MIDEAS: variants seen among roughly 807,000 people sequenced by gnomAD.
MIDEAS encodes the protein mitotic deacetylase associated SANT domain protein.
In MIDEAS, 26 loss-of-function variants were observed where a neutral mutation model predicts 102.7. The observed-to-expected ratio is 0.25, with a 90% confidence interval of 0.19 to 0.35. MIDEAS has a LOEUF of 0.35. Ranked by LOEUF, MIDEAS falls within the 10% of genes least tolerant of loss-of-function variation. The pLI is 1.00. For synonymous variants in MIDEAS, 585 were observed against 591.0 expected (o/e 0.99, Z 0.15); for missense variants, 1,231 against 1,435.6 (o/e 0.86, Z 2.30).
chr14:73,738,876 T>A lies in MIDEAS; in HGVS notation c.1133A>T (p.His378Leu), dbSNP rs767404367. The change falls in exon 2 of 13, where the codon CAT becomes CTT. Residue 378 changes from histidine (H) to leucine (L), a missense_variant. Coordinates refer to ENST00000423556, the MANE Select transcript of MIDEAS (RefSeq NM_001367710.1). Reference sequence around the variant, plus strand: ...TGGCGGCTGCTGCAGGGGCCAGTGATGTAGGAACAGGTTGCCAGTGGCCTC... The same window carrying A: ...TGGCGGCTGCTGCAGGGGCCAGTGAAGTAGGAACAGGTTGCCAGTGGCCTC... ...GQEATGNLFLHHWPLQQPPPG... is the reference protein window; with the variant it reads ...GQEATGNLFLLHWPLQQPPPG... 6.4e-7 allele frequency: 1 copy of A among 1,559,506 alleles called. No homozygotes were observed. Among genetic ancestry groups the A allele is most frequent in the Non-Finnish European group, 8.7e-7 (1 of 1,152,938 alleles).
chr14:73,736,932 C>T, intron 3 of MIDEAS, 66 bp downstream of exon 3: 3 of 1,491,548 alleles, frequency 2.0e-6, no homozygotes, highest in Non-Finnish European at 2.8e-6. Context: ...TCTCCTTTCC[C>T]CATAGGGTCC....
At chr14:73,772,794 A>AGTGTGTGTGT (rs61402555) in intron 1 of MIDEAS, among the ~76,000 whole-genome samples, 5,828 of 135,648 alleles carry the variant, frequency 0.043, 232 homozygotes, top group African/African-American at 0.089. Context: ...TTCAAGTTCT[A>AGTGTGTGTGT]GTGTGTGTGT....
rs938619704 is a variant in MIDEAS at position 73,727,438 on chromosome 14, A to T, written c.2162+20T>A. 18 of 1,613,804 alleles carry T rather than the reference A, an allele frequency of 1.1e-5. No individual in the cohort carries two copies. The highest frequency in any genetic ancestry group is 1.4e-5 in the Non-Finnish European group (17 of 1,179,868). On this transcript the variant is annotated intron_variant, in intron 5 of 12. Coordinates refer to ENST00000423556, the MANE Select transcript of MIDEAS (RefSeq NM_001367710.1). Reference sequence around the variant, plus strand: ...GTGTGGCCACCCACACCCCTCGGCCAGGGGCAGGGCTGCACTTACGGCTCG... The same window carrying T: ...GTGTGGCCACCCACACCCCTCGGCCTGGGGCAGGGCTGCACTTACGGCTCG...
upstream of MIDEAS, among the ~76,000 whole-genome samples, chr14:73,760,665 G>A (rs1380663422): frequency 2.6e-5 from 4 of 152,206 alleles, no homozygotes; most frequent in African/African-American, 9.7e-5. The surrounding 1 kb of genome is among the most constrained non-coding windows in gnomAD (Gnocchi z 4.8). Flanking sequence ...GGTAAATCAT[G>A]CACAATCCTC....
chr14:73,778,540 G>A (rs2053713104), intron 1 of MIDEAS, among the ~76,000 whole-genome samples: 1 of 151,950 alleles, frequency 6.6e-6, no homozygotes, highest in African/African-American at 2.4e-5. Context: ...AAGTGGAAGA[G>A]GGGGTCACCG....
intron 1 of MIDEAS, among the ~76,000 whole-genome samples, chr14:73,772,348 CCT>C (rs1425678802): frequency 1.3e-5 from 2 of 152,244 alleles, no homozygotes; most frequent in African/African-American, 2.4e-5. Flanking sequence ...CTACCCATAA[CCT>C]CTTTGCCCAA....
At chr14:73,761,994 C>G (rs777930374), upstream of MIDEAS, among the ~76,000 whole-genome samples, 1 of 152,168 alleles carries the variant, frequency 6.6e-6, no homozygotes, top group Non-Finnish European at 1.5e-5. Context: ...CAGGGTAGAG[C>G]CTTTTTACTT....
At chr14:73,763,567 GC>G (rs2053570250), upstream of MIDEAS, among the ~76,000 whole-genome samples, 1 of 152,100 alleles carries the variant, frequency 6.6e-6, no homozygotes, top group Admixed American at 6.6e-5. Flanking sequence ...CCCCAATGAG[GC>G]CAGCACACGT....
intron 1 of MIDEAS, among the ~76,000 whole-genome samples, chr14:73,786,050 T>A (rs951201730): frequency 2.0e-5 from 3 of 152,200 alleles, no homozygotes; most frequent in African/African-American, 7.2e-5. Context: ...CACGCTGTAA[T>A]TACAGGCCGG....
chr14:73,737,448 A>T (rs977733684), intron 2 of MIDEAS, 151 bp from the exon 3 acceptor site: 11 of 866,606 alleles, frequency 1.3e-5, no homozygotes, highest in Non-Finnish European at 1.7e-5. Flanking sequence ...ACATAGTGAC[A>T]CCTCGTCTCT....
chr14:73,770,871 T>C (rs1372879662), intron 1 of MIDEAS, among the ~76,000 whole-genome samples: 3 of 152,138 alleles, frequency 2.0e-5, no homozygotes, highest in Admixed American at 6.5e-5. Flanking sequence ...GAGGAACAGT[T>C]ATTGCTGGGG....
chr14:73,789,208 T>G (rs1214175469), upstream of MIDEAS: 1 of 152,000 alleles, frequency 6.6e-6, no homozygotes, highest in African/African-American at 2.4e-5. Context: ...AGTGATGTGA[T>G]CTTACTTCTG....
chr14:73,720,489 C>T (rs1468314337), intron 11 of MIDEAS, among the ~76,000 whole-genome samples: 1 of 152,090 alleles, frequency 6.6e-6, no homozygotes, highest in Non-Finnish European at 1.5e-5. Context: ...TCAGGTGATC[C>T]ACTCACCTTG....
rs576413634 is a variant in MIDEAS, at chr14:73,721,358, C to T, written c.2876G>A (p.Arg959Gln). 5.7e-5 allele frequency: 92 copies of T among 1,614,126 alleles called. No homozygotes were observed. Among genetic ancestry groups the T allele is most frequent in the Non-Finnish European group, 7.1e-5 (84 of 1,180,026 alleles). ...TGCCGCTGCCCGCCTGCTGCGCTCT[C>T]GCCCCTCTTCCTGCTCCTCCTTCTC... is the stretch of plus-strand genomic sequence containing the variant. ...IQEKEEQEEG[R>Q]ERSRRAAAVK... is the part of the protein sequence containing the mutation. Residue 959 changes from arginine to glutamine, a missense_variant, in exon 11 of 13, where the codon CGA becomes CAA. Transcript: ENST00000423556.
rs533217053 is a variant in MIDEAS at position 73,741,642 on chromosome 14, CGCTCCTCTGCAGGCTTCCGCA to C, written c.-247-1408_-247-1388del. On this transcript the variant is annotated intron_variant, in intron 1 of 12. Coordinates refer to ENST00000423556, the MANE Select transcript of MIDEAS (RefSeq NM_001367710.1). ...ACCAGGAATGCCCCTCCCAGGCTAT[CGCTCCTCTGCAGGCTTCCGCA>C]GCTCCCCAGCCCCTGTGCTCCTGGA... Among the ~76,000 whole-genome samples, 681 of 152,170 alleles carry C rather than the reference CGCTCCTCTGCAGGCTTCCGCA, an allele frequency of 4.5e-3. 3 individuals carry two copies. Among genetic ancestry groups the C allele is most frequent in the Middle Eastern group, 0.017 (5 of 294 alleles).
In MIDEAS at chr14:73,778,629, C is replaced by T. The variant is rs753830461; in HGVS notation, c.-248+8473G>A. On this transcript the variant is annotated intron_variant, in intron 1 of 11. Coordinates refer to the MIDEAS transcript ENST00000394071. ...GAGGAAGCAGACACATCTTGCTGGT[C>T]GATTCCTTGCAAGCTTCTTATAGTG... 2.8e-4 allele frequency among the ~76,000 whole-genome samples: 43 copies of T among 151,934 alleles called. 1 individual carries two copies. Among genetic ancestry groups the T allele is most frequent in the Middle Eastern group, 3.4e-3 (1 of 294 alleles).
chr14:73,727,297 CG>C, intron 5 of MIDEAS, 160 bp downstream of exon 5: 1 of 749,658 alleles, frequency 1.3e-6, no homozygotes, highest in Non-Finnish European at 2.2e-6. Context: ...AGAGGCAGGG[CG>C]GGGACAGCAA....
intron 3 of MIDEAS, among the ~76,000 whole-genome samples, chr14:73,736,487 T>C (rs1228783965): frequency 6.6e-6 from 1 of 151,678 alleles, no homozygotes; most frequent in Non-Finnish European, 1.5e-5. Context: ...AAAAATTAGC[T>C]GGGCGCGGTG....
Position 73,727,067 on chromosome 14 carries a change from G to A in MIDEAS, c.2163-95C>T, listed in dbSNP as rs973869229. ...GGTGGGAAGAAGATGAGGGGGAGCC[G>A]GCAGAGCAAGGCCTCAGCTAGGTGT... On this transcript the variant is annotated intron_variant, in intron 5 of 12. Coordinates refer to ENST00000423556, the MANE Select transcript of MIDEAS (RefSeq NM_001367710.1). 4.5e-5 allele frequency: 65 copies of A among 1,438,054 alleles called. No homozygotes were observed. In the African/African-American group the frequency reaches 7.2e-4, roughly 16 times the overall value. The allele number at this position is 1,438,054 out of a possible 1,614,324, so 89.1% of individuals were successfully genotyped here.
Sources: allele counts gnomAD v4.1 joint callset (sites outside exome capture counted in the v4.1 genomes callset), GRCh38; gene constraint gnomAD v4.1.1; non-coding constraint Gnocchi (gnomAD v3.1); transcripts MANE v1.5; gene names NCBI Gene and HGNC (gene_info 2026-07-23, HGNC 2026-07-21).